The following GALNT18 variants were observed in gnomAD, a reference collection of about 807,000 sequenced individuals.
The protein encoded by GALNT18 is polypeptide N-acetylgalactosaminyltransferase 18.
A neutral mutation model predicts 69.5 loss-of-function variants in GALNT18; 44 were observed. The ratio of observed to expected loss-of-function variants is 0.63; its 90% CI spans 0.50 to 0.81. The LOEUF is 0.81. Ranked by LOEUF, GALNT18 falls within the 40% of genes least tolerant of loss-of-function variation. The pLI, the probability that GALNT18 is intolerant of heterozygous loss-of-function variation, is 0.00. For synonymous variants in GALNT18, 364 were observed against 318.2 expected (o/e 1.14, Z -1.53); for missense variants, 715 against 810.0 (o/e 0.88, Z 1.42).
intron 2 of GALNT18, among the ~76,000 whole-genome samples, chr11:11,433,559 C>T (rs1158564837): frequency 2.0e-5 from 3 of 152,198 alleles, no homozygotes; most frequent in African/African-American, 7.2e-5. Flanking sequence ...CCTAACTGGC[C>T]CATTTCCCCT....
intron 1 of GALNT18, among the ~76,000 whole-genome samples, chr11:11,566,706 CA>C (rs1858661242): frequency 6.6e-6 from 1 of 152,132 alleles, no homozygotes; most frequent in South Asian, 2.1e-4. Context: ...ATTATTCTTG[CA>C]ACTTTTTTGT....
chr11:11,560,161 TATG>T (rs1858466203), intron 1 of GALNT18, among the ~76,000 whole-genome samples: 1 of 2,080 alleles, frequency 4.8e-4, no homozygotes, highest in Non-Finnish European at 8.9e-4. Flanking sequence ...TGATGGGATG[TATG>T]GGATGGGATA....
In GALNT18 at chr11:11,343,557, C is replaced by T. The variant is rs1280886370; in HGVS notation, c.1093-2553G>A. On this transcript the variant is annotated intron_variant, in intron 6 of 10. Transcript: ENST00000227756. ...GATCATGAGAAGGTGGCGGTGAAGG[C>T]CCCAGGCTGTGCACCTCCATTCCCA... Among the ~76,000 whole-genome samples, 16 of 152,168 alleles carry T rather than the reference C, an allele frequency of 1.1e-4. No individual in the cohort carries two copies. The East Asian group carries it at 2.9e-3, about 28-fold the overall frequency.
intron 1 of GALNT18, among the ~76,000 whole-genome samples, chr11:11,547,868 T>A (rs1454561233): frequency 6.6e-6 from 1 of 152,196 alleles, no homozygotes; most frequent in African/African-American, 2.4e-5. Context: ...CAGCCTGCCC[T>A]ATATGTATGC....
At chr11:11,489,676 T>C (rs1294792530) in intron 1 of GALNT18, among the ~76,000 whole-genome samples, 1 of 152,200 alleles carries the variant, frequency 6.6e-6, no homozygotes, top group Non-Finnish European at 1.5e-5. Context: ...TTCCCATCTA[T>C]CAGATGATGA....
At chr11:11,362,452 T>C (rs1850664405) in intron 6 of GALNT18, among the ~76,000 whole-genome samples, 1 of 152,132 alleles carries the variant, frequency 6.6e-6, no homozygotes, top group South Asian at 2.1e-4. Flanking sequence ...ATGGGCAAAG[T>C]ATTACCATCT....
intron 1 of GALNT18, among the ~76,000 whole-genome samples, chr11:11,572,741 C>T (rs913850458): frequency 6.6e-5 from 10 of 152,218 alleles, no homozygotes; most frequent in Non-Finnish European, 1.0e-4. Flanking sequence ...CAACCCTCGC[C>T]TTCCTGCCAA....
intron 6 of GALNT18, among the ~76,000 whole-genome samples, chr11:11,367,761 C>G (rs755543810): frequency 6.6e-5 from 10 of 152,302 alleles, no homozygotes; most frequent in Non-Finnish European, 1.2e-4. Context: ...ATGTCCGTTC[C>G]ATACAACTGA....
chr11:11,365,460 T>G (rs1044297247), intron 6 of GALNT18, among the ~76,000 whole-genome samples: 1 of 152,216 alleles, frequency 6.6e-6, no homozygotes, highest in African/African-American at 2.4e-5. Flanking sequence ...TAAACATACA[T>G]GTACATGAGT....
At chr11:11,294,088 C>G (rs1849354541) in intron 9 of GALNT18, among the ~76,000 whole-genome samples, 2 of 152,188 alleles carry the variant, frequency 1.3e-5, no homozygotes, top group African/African-American at 2.4e-5. Context: ...CAGCACATAG[C>G]TGTACTCACT....
intron 9 of GALNT18, among the ~76,000 whole-genome samples, chr11:11,304,543 A>T (rs1426929610): frequency 2.0e-5 from 3 of 152,120 alleles, no homozygotes; most frequent in African/African-American, 7.2e-5. Flanking sequence ...TGCACTGAGG[A>T]ATACTTCCCC....
At chr11:11,554,085 C>T (rs148406832) in intron 1 of GALNT18, among the ~76,000 whole-genome samples, 14 of 152,300 alleles carry the variant, frequency 9.2e-5, no homozygotes, top group East Asian at 1.9e-4. Context: ...TTGAGTGATG[C>T]GTCCTCCCCG....
chr11:11,401,185 G>A lies in GALNT18; in HGVS notation c.596-21921C>T, dbSNP rs558410328. ...TCCGTCAGGAAAAAGGATGCTTCTG[G>A]ATCCTTTGCAAACCCAGAAGAGAAT... On this transcript the variant is annotated intron_variant, in intron 3 of 10. Coordinates refer to ENST00000227756, the MANE Select transcript of GALNT18 (RefSeq NM_198516.3). 2.6e-5 allele frequency among the ~76,000 whole-genome samples: 4 copies of A among 152,272 alleles called. No individual in the cohort carries two copies. In the East Asian group the frequency reaches 7.7e-4, roughly 29 times the overall value.
rs58795517 is a variant in GALNT18 at position 11,284,908 on chromosome 11, G to GTTTTTTTTTTTTTTTTTTT, written c.1677+8102_1677+8120dup. Among the ~76,000 whole-genome samples the GTTTTTTTTTTTTTTTTTTT allele has an allele frequency of 3.4e-4, 28 of 82,818 alleles. 2 individuals carry two copies. The highest frequency in any genetic ancestry group is 1.6e-3 in the African/African-American group (27 of 16,530). 54.3% of individuals were successfully genotyped at this position (82,818 alleles called of 152,430 possible). A position where few individuals can be genotyped will look rare whatever the true frequency, so the allele number is the denominator to read the frequency against. On this transcript the variant is annotated intron_variant, in intron 10 of 10. Transcript: ENST00000227756. The stretch of plus-strand genomic sequence containing the variant: ...CTGATTTACTAGTAAAGACTTTCGT[G>GTTTTTTTTTTTTTTTTTTT]TTTTTTTTTTTTTTTTTTTTTTAAC...
chr11:11,443,137 C>G (rs185544152), intron 2 of GALNT18, among the ~76,000 whole-genome samples: 13 of 152,194 alleles, frequency 8.5e-5, no homozygotes, highest in Admixed American at 8.5e-4. Context: ...AGGCCGAAGC[C>G]GCAGAACTGG....
intron 1 of GALNT18, among the ~76,000 whole-genome samples, chr11:11,536,708 T>A (rs142611146): frequency 8.2e-4 from 125 of 151,518 alleles, no homozygotes; most frequent in African/African-American, 2.9e-3. Flanking sequence ...ACAGCCAGAA[T>A]GAGTCTCTAA....
At chr11:11,410,261 C>T (rs879770419) in intron 3 of GALNT18, among the ~76,000 whole-genome samples, 1 of 152,158 alleles carries the variant, frequency 6.6e-6, no homozygotes, top group Non-Finnish European at 1.5e-5. Context: ...GCTGTCCCTC[C>T]TGGCAGCTTC....
intron 4 of GALNT18, among the ~76,000 whole-genome samples, chr11:11,378,645 G>A (rs1329184847): frequency 6.6e-6 from 1 of 152,224 alleles, no homozygotes; most frequent in African/African-American, 2.4e-5. Context: ...TGACAACATG[G>A]GGCAAGCTTC....
At chr11:11,434,801 G>A (rs897685592) in intron 2 of GALNT18, among the ~76,000 whole-genome samples, 2 of 152,134 alleles carry the variant, frequency 1.3e-5, no homozygotes, top group African/African-American at 2.4e-5. Flanking sequence ...GAAGCTCATC[G>A]GATCTTTTTC....
Sources: gnomAD v4.1 joint callset for allele counts (sites outside exome capture counted in the v4.1 genomes callset) on GRCh38, gnomAD v4.1.1 for gene constraint, MANE v1.5 for transcripts, NCBI Gene and HGNC (gene_info 2026-07-23, HGNC 2026-07-21) for gene names.